UMAD1: variants seen among roughly 807,000 people sequenced by gnomAD.
UMAD1 encodes the protein UBAP1-MVB12-associated (UMA)-domain containing protein 1.
A neutral mutation model predicts 6.1 loss-of-function variants in UMAD1; 8 were observed. The ratio of observed to expected loss-of-function variants is 1.30; its 90% CI spans 0.76 to 2.35. The LOEUF (loss-of-function observed/expected upper bound fraction) is 2.35, where lower values mean the gene tolerates loss of function less well. Ranked by LOEUF, UMAD1 falls within the 30% of genes most tolerant of loss-of-function variation. The pLI is 0.00. For synonymous variants in UMAD1, 56 were observed against 31.4 expected, an observed-to-expected ratio of 1.78 and a Z score of -2.61; for missense variants, 130 against 78.4, an observed-to-expected ratio of 1.66 and a Z score of -2.49.
chr7:7,794,859 G>A (rs1297193250), intron 2 of UMAD1, among the ~76,000 whole-genome samples: 2 of 152,160 alleles, frequency 1.3e-5, no homozygotes, highest in Non-Finnish European at 2.9e-5. Context: ...ACACCTTTAA[G>A]GTCTGAAGAG....
chr7:7,663,820 A>C (rs1188330025), intron 1 of UMAD1, among the ~76,000 whole-genome samples: 3 of 152,198 alleles, frequency 2.0e-5, no homozygotes, highest in African/African-American at 7.2e-5. Flanking sequence ...AATTACATGC[A>C]TGACTATCAG....
intron 1 of UMAD1, among the ~76,000 whole-genome samples, chr7:7,644,807 C>T (rs1232270129): frequency 6.6e-6 from 1 of 152,026 alleles, no homozygotes; most frequent in Non-Finnish European, 1.5e-5. Context: ...TTATTTTTGT[C>T]TCTTTGCTCT....
At chr7:7,810,216 A>T (rs1237826697) in intron 3 of UMAD1, among the ~76,000 whole-genome samples, 2 of 152,060 alleles carry the variant, frequency 1.3e-5, no homozygotes, top group Non-Finnish European at 2.9e-5. Context: ...CAAGATATTC[A>T]TAGTCAAAAT....
At chr7:7,873,092 C>T (rs1583887442) in intron 3 of UMAD1, among the ~76,000 whole-genome samples, 1 of 152,188 alleles carries the variant, frequency 6.6e-6, no homozygotes, top group East Asian at 1.9e-4. Flanking sequence ...TTTATTTAAT[C>T]CTTGCATTTA....
chr7:7,732,306 CTG>C (rs1261186790), intron 2 of UMAD1, among the ~76,000 whole-genome samples: 2 of 151,880 alleles, frequency 1.3e-5, no homozygotes, highest in African/African-American at 4.8e-5. Flanking sequence ...TCAATAAATT[CTG>C]TGAAGTGAAA....
At chr7:7,743,218 TAA>T (rs992337705) in intron 2 of UMAD1, among the ~76,000 whole-genome samples, 12 of 152,188 alleles carry the variant, frequency 7.9e-5, no homozygotes, top group Non-Finnish European at 1.5e-4. Context: ...TAAGTTGCTT[TAA>T]AATTAAAGTA....
chr7:7,786,207 G>T (rs1782458015), intron 2 of UMAD1, among the ~76,000 whole-genome samples: 1 of 152,182 alleles, frequency 6.6e-6, no homozygotes, highest in African/African-American at 2.4e-5. Flanking sequence ...ATTTACTCGG[G>T]ATGTCTCTTT....
chr7:7,877,555 C>T lies in UMAD1; in HGVS notation c.*17C>T, dbSNP rs772444540. On this transcript the variant is annotated 3_prime_UTR_variant, in exon 4 of 4. Transcript: ENST00000682710. ...GATTCATAACCTTTATGTCTGTTTGCACCTTAACAGCTTTAAAATATGTTC... is the reference window on the plus strand; with the variant it reads ...GATTCATAACCTTTATGTCTGTTTGTACCTTAACAGCTTTAAAATATGTTC... 2 of 715,038 alleles carry T rather than the reference C, an allele frequency of 2.8e-6. No individual in the cohort carries two copies. The highest frequency in any genetic ancestry group is 3.0e-5 in the South Asian group (2 of 67,502). 44.3% of individuals were successfully genotyped at this position (715,038 alleles called of 1,614,324 possible). A position where few individuals can be genotyped will look rare whatever the true frequency, so the allele number is the denominator to read the frequency against.
chr7:7,693,031 TC>T (rs1488345719), intron 2 of UMAD1, among the ~76,000 whole-genome samples: 2 of 152,224 alleles, frequency 1.3e-5, no homozygotes, highest in Non-Finnish European at 2.9e-5. Context: ...GGTAATTTAA[TC>T]TTTTTTCTTC....
In UMAD1 at chr7:7,751,231, T is replaced by C. The variant is rs542061463; in HGVS notation, c.83-50439T>C. ...CTCTCCCCAATTATATGTATCATGA[T>C]TTTAGCCCATATTTTATAAATGAGA... On this transcript the variant is annotated intron_variant, in intron 2 of 3. Transcript: ENST00000682710. Among the ~76,000 whole-genome samples, 8 of 152,330 alleles carry C rather than the reference T, an allele frequency of 5.3e-5. No individual in the cohort carries two copies. In the South Asian group the frequency reaches 6.2e-4, roughly 12 times the overall value.
At chr7:7,847,058 A>AG (rs1452412814) in intron 3 of UMAD1, among the ~76,000 whole-genome samples, 1 of 18,486 alleles carries the variant, frequency 5.4e-5, no homozygotes, top group African/African-American at 9.9e-5. Context: ...GAGTATAATA[A>AG]AAAAAAAAAA....
intron 3 of UMAD1, among the ~76,000 whole-genome samples, chr7:7,833,556 T>A (rs1783505125): frequency 6.6e-6 from 1 of 152,102 alleles, no homozygotes; most frequent in African/African-American, 2.4e-5. Flanking sequence ...AAGAAAGAGG[T>A]AAGTACCTTC....
In UMAD1 at chr7:7,820,743, T is replaced by C. The variant is rs1783226378; in HGVS notation, c.156+19000T>C. Among the ~76,000 whole-genome samples the C allele has an allele frequency of 2.0e-5, 3 of 152,192 alleles. No homozygotes were observed. In the South Asian group the frequency reaches 6.2e-4, roughly 32 times the overall value. ...TTCTTTTCTTGATTTTTTTTCAAAC[T>C]CTTCTCATGAGGAAAATGTACAATT... On this transcript the variant is annotated intron_variant, in intron 3 of 3. Transcript: ENST00000682710.
At chr7:7,738,527 T>G (rs1305796591) in intron 2 of UMAD1, 2 of 152,256 alleles carry the variant, frequency 1.3e-5, no homozygotes, top group African/African-American at 4.8e-5. Context: ...AATCTTCCAC[T>G]AAGCAATGAA....
intron 2 of UMAD1, among the ~76,000 whole-genome samples, chr7:7,727,762 T>C (rs1038761741): frequency 1.3e-5 from 2 of 152,184 alleles, no homozygotes; most frequent in Non-Finnish European, 2.9e-5. Context: ...CTTCCTGTCC[T>C]CAAACATCAG....
chr7:7,828,312 A>G (rs527630381), intron 3 of UMAD1, among the ~76,000 whole-genome samples: 7 of 152,198 alleles, frequency 4.6e-5, no homozygotes, highest in Non-Finnish European at 8.8e-5. Flanking sequence ...GTGCATGCAC[A>G]TATATCATAT....
At chr7:7,674,109 T>C (rs1327872412) in intron 2 of UMAD1, among the ~76,000 whole-genome samples, 2 of 152,178 alleles carry the variant, frequency 1.3e-5, no homozygotes, top group African/African-American at 4.8e-5. Flanking sequence ...TTCCAAAGTA[T>C]GGTGTGGGGT....
At chr7:7,866,722 G>A (rs1784235368) in intron 3 of UMAD1, among the ~76,000 whole-genome samples, 1 of 152,212 alleles carries the variant, frequency 6.6e-6, no homozygotes, top group African/African-American at 2.4e-5. Flanking sequence ...AGAAATTGGA[G>A]GGGTAAGCAA....
intron 2 of UMAD1, among the ~76,000 whole-genome samples, chr7:7,682,623 A>T: frequency 6.6e-6 from 1 of 152,174 alleles, no homozygotes; most frequent in East Asian, 1.9e-4. Flanking sequence ...GGTTTTCAAC[A>T]TGTGCTTCCT....
Sources: allele counts gnomAD v4.1 joint callset (sites outside exome capture counted in the v4.1 genomes callset), GRCh38; gene constraint gnomAD v4.1.1; transcripts MANE v1.5; gene names NCBI Gene and HGNC (gene_info 2026-07-23, HGNC 2026-07-21).